Variants in ABHD17A observed in about 807,000 individuals in gnomAD.
The protein encoded by ABHD17A is abhydrolase domain containing 17A, depalmitoylase, also known as alpha/beta hydrolase domain-containing protein 17A.
A neutral mutation model predicts 26.8 loss-of-function variants in ABHD17A; 10 were observed. The ratio of observed to expected loss-of-function variants is 0.37; its 90% CI spans 0.23 to 0.63. ABHD17A has a LOEUF of 0.63. Among genes scored for constraint, ABHD17A ranks in the 30% least tolerant of loss-of-function variants. The pLI is 0.61. For missense variants in ABHD17A, 292 were observed against 457.3 expected, an observed-to-expected ratio of 0.64 and a Z score of 3.30; for synonymous variants, 167 against 210.9, an observed-to-expected ratio of 0.79 and a Z score of 1.80.
intron 1 of ABHD17A, chr19:1,883,419 A>T (rs1599211212): frequency 6.6e-6 from 1 of 152,358 alleles, no homozygotes; most frequent in Non-Finnish European, 1.5e-5. Context: ...ATTCTCAAAG[A>T]GGTCCAGGCC....
At chr19:1,881,907 C>T in intron 1 of ABHD17A, 103 bp from the exon 2 acceptor site, 1 of 275,798 alleles carries the variant, frequency 3.6e-6, no homozygotes, top group Non-Finnish European at 6.7e-6. Flanking sequence ...GCGGCATGGG[C>T]CCGGGGCCTG....
chr19:1,880,266 G>T lies in ABHD17A; in HGVS notation c.333-151C>A. 1.3e-6 allele frequency: 1 copy of T among 787,592 alleles called. No individual in the cohort carries two copies. The highest frequency in any genetic ancestry group is 2.1e-6 in the Non-Finnish European group (1 of 486,290). The allele number at this position is 787,592 out of a possible 1,614,324, so 48.8% of individuals were successfully genotyped here. ...CAAGGGGGCCAGAAGCCAGTGAATG[G>T]AGAGGGGAGGCTACGACAGCACAGC... On this transcript the variant is annotated intron_variant, in intron 2 of 4. Transcript: ENST00000292577. This position sits in a 1 kb window ranked among gnomAD's most constrained non-coding sequence, Gnocchi z 4.1.
Position 1,877,540 on chromosome 19 carries a change from G to A in ABHD17A, c.675C>T (p.Thr225=). 1 of 1,595,470 alleles carries A rather than the reference G, an allele frequency of 6.3e-7. No homozygotes were observed. Among genetic ancestry groups the A allele is most frequent in the Non-Finnish European group, 8.5e-7 (1 of 1,178,918 alleles). ...TSGMRVAFPD[T]KKTYCFDAFP... The stretch of plus-strand genomic sequence containing the variant: ...AGGCGTCGAAGCAGTAGGTCTTCTT[G>A]GTGTCGGGGAAGGCGACGCGCATGC... The change falls in exon 4 of 5, where the codon ACC becomes ACT. Residue 225 remains threonine, a synonymous_variant. Coordinates refer to ENST00000292577, the MANE Select transcript of ABHD17A (RefSeq NM_001130111.2).
intron 1 of ABHD17A, among the ~76,000 whole-genome samples, chr19:1,884,003 T>A (rs918633245): frequency 6.6e-6 from 1 of 152,142 alleles, no homozygotes; most frequent in African/African-American, 2.4e-5. Flanking sequence ...TCTGCTCCTC[T>A]GCCAGGAACT....
In ABHD17A at chr19:1,881,350, G is replaced by T. The variant is rs769790054; in HGVS notation, c.217C>A (p.Arg73Ser). Residue 73 changes from arginine to serine, a missense_variant, in exon 2 of 5, where the codon CGT becomes AGT. Physicochemically the swap from Arg to Ser is moderately radical, Grantham distance 110 (BLOSUM62 -1). This residue lies in a region of ABHD17A where 171 missense variants were observed against 216.1 expected (regional missense o/e 0.79). Transcript: ENST00000292577. ...PGRWKLHLTE[R>S]ADFQYSQREL... is the part of the protein sequence containing the mutation. ...CGCTGGCTGTACTGGAAGTCGGCACGCTCCGTCAGGTGCAGCTTCCAGCGC... is the reference window on the plus strand; with the variant it reads ...CGCTGGCTGTACTGGAAGTCGGCACTCTCCGTCAGGTGCAGCTTCCAGCGC... 1 of 1,609,450 alleles carries T rather than the reference G, an allele frequency of 6.2e-7. No homozygotes were observed. Among genetic ancestry groups the T allele is most frequent in the East Asian group, 2.2e-5 (1 of 44,860 alleles).
chr19:1,877,547 G>T lies in ABHD17A; in HGVS notation c.668C>A (p.Pro223His). ...GAAGCAGTAGGTCTTCTTGGTGTCG[G>T]GGAAGGCGACGCGCATGCCCGAGGT... ...PLTSGMRVAF[P>H]DTKKTYCFDA... Residue 223 changes from proline to histidine, a missense_variant, in exon 4 of 5, where the codon CCC (proline) becomes CAC (histidine). Around this residue, in one of 4 missense-constraint regions of ABHD17A, gnomAD observed 88 missense variants for 134.3 expected, o/e 0.66. Coordinates refer to ENST00000292577, the MANE Select transcript of ABHD17A (RefSeq NM_001130111.2). 6.3e-7 allele frequency: 1 copy of T among 1,588,862 alleles called. No homozygotes were observed. Among genetic ancestry groups the T allele is most frequent in the Non-Finnish European group, 8.5e-7 (1 of 1,176,506 alleles).
chr19:1,877,855 C>A (rs2145387116), intron 3 of ABHD17A, 168 bp from the exon 4 acceptor site: 1 of 627,462 alleles, frequency 1.6e-6, no homozygotes, highest in Non-Finnish European at 2.7e-6. Context: ...CACCCCCAGC[C>A]CCCAACACCG....
rs1411951148 is a variant in ABHD17A, at chr19:1,880,049, G to A, written c.399C>T (p.Gly133=). Residue 133 remains glycine (G), a synonymous_variant, in exon 3 of 5, where the codon GGC becomes GGT. Transcript: ENST00000292577. This position sits in a 1 kb window ranked among gnomAD's most constrained non-coding sequence, Gnocchi z 4.1. ...DLGQMSSFYI[G]LGSRLHCNIF... ...TGTTGCAGTGGAGGCGGGAGCCCAG[G>A]CCAATGTAGAAGCTGCTCATCTGGC... 5 of 1,613,174 alleles carry A rather than the reference G, an allele frequency of 3.1e-6. No homozygotes were observed. Among genetic ancestry groups the A allele is most frequent in the South Asian group, 1.1e-5 (1 of 91,092 alleles).
At chr19:1,885,325 C>T (rs2012650858) in intron 1 of ABHD17A, 27 bp downstream of exon 1, 1 of 151,150 alleles carries the variant, frequency 6.6e-6, no homozygotes, top group Admixed American at 6.6e-5. Context: ...GCGGCCGCGC[C>T]CGCCCCCGCC....
rs773635698 is a variant in ABHD17A at position 1,881,519 on chromosome 19, C to T, written c.48G>A (p.Pro16=). 32 of 1,603,824 alleles carry T rather than the reference C, an allele frequency of 2.0e-5. No individual in the cohort carries two copies. The highest frequency in any genetic ancestry group is 4.4e-5 in the South Asian group (4 of 90,884). ...LSELCCLFCC[P]PCPGRIAAKL... Reference sequence around the variant, plus strand: ...TGGCAGCGATGCGGCCGGGGCAGGGCGGGCAGCAGAAGAGGCAGCAGAGCT... The same window carrying T: ...TGGCAGCGATGCGGCCGGGGCAGGGTGGGCAGCAGAAGAGGCAGCAGAGCT... The change falls in exon 2 of 5, where the codon CCG becomes CCA. Residue 16 remains proline, a synonymous_variant. Transcript: ENST00000292577.
In ABHD17A at chr19:1,876,931, C is replaced by T. The variant is rs1050365256; in HGVS notation, c.*269G>A. ...CCGGCCCCCTTTCGAGCTCGCTGAG[C>T]GCTCGAGAGAGTGAGCAGAGCCATG... On this transcript the variant is annotated 3_prime_UTR_variant, in exon 5 of 5. Transcript: ENST00000292577. The T allele has an allele frequency of 3.1e-5, 15 of 487,472 alleles. No homozygotes were observed. Among genetic ancestry groups the T allele is most frequent in the Non-Finnish European group, 5.2e-5 (14 of 270,744 alleles). The allele number at this position is 487,472 out of a possible 1,614,324, so 30.2% of individuals were successfully genotyped here. A position where few individuals can be genotyped will look rare whatever the true frequency, so the allele number is the denominator to read the frequency against.
At chr19:1,884,701 C>T (rs2012628421) in intron 1 of ABHD17A, among the ~76,000 whole-genome samples, 2 of 152,086 alleles carry the variant, frequency 1.3e-5, no homozygotes. Context: ...GGTGACAGAG[C>T]AGGCTCCTGG....
Position 1,880,222 on chromosome 19 carries a change from GCCT to G in ABHD17A, c.333-110_333-108del, listed in dbSNP as rs2012485518. On this transcript the variant is annotated intron_variant, in intron 2 of 4. Transcript: ENST00000292577. The surrounding 1 kb of genome is among the most constrained non-coding windows in gnomAD (Gnocchi z 4.1). Reference sequence around the variant, plus strand: ...ACCCCGGTGGCCAGCCATGCCCAGTGCCTCATTTACTCCCCTCCCAAGGGGGCC... The same window carrying G: ...ACCCCGGTGGCCAGCCATGCCCAGTGCATTTACTCCCCTCCCAAGGGGGCC... The G allele has an allele frequency of 8.2e-7, 1 of 1,222,020 alleles. No individual in the cohort carries two copies. The highest frequency in any genetic ancestry group is 1.2e-6 in the Non-Finnish European group (1 of 864,006). The allele number at this position is 1,222,020 out of a possible 1,614,324, so 75.7% of individuals were successfully genotyped here.
rs748432006 is a variant in ABHD17A at position 1,880,860 on chromosome 19, C to T, written c.332+375G>A. ...ACCTAGCCCAGCCAGAAGGTAAAGG[C>T]TCGCCCTCTGGACTCAGATCTGGTC... is the stretch of plus-strand genomic sequence containing the variant. On this transcript the variant is annotated intron_variant, in intron 2 of 4. Transcript: ENST00000292577. This position sits in a 1 kb window ranked among gnomAD's most constrained non-coding sequence, Gnocchi z 4.1. 31 of 1,611,764 alleles carry T rather than the reference C, an allele frequency of 1.9e-5. No homozygotes were observed. The highest frequency in any genetic ancestry group is 2.5e-5 in the Non-Finnish European group (29 of 1,179,220).
rs754918296 is a variant in ABHD17A, at chr19:1,880,998, C to T, written c.332+237G>A. The T allele has an allele frequency of 3.1e-6, 5 of 1,612,382 alleles. No homozygotes were observed. In the Middle Eastern group the frequency reaches 6.6e-4, roughly 213 times the overall value. On this transcript the variant is annotated intron_variant, in intron 2 of 4. Transcript: ENST00000292577. This position sits in a 1 kb window ranked among gnomAD's most constrained non-coding sequence, Gnocchi z 4.1. Reference sequence around the variant, plus strand: ...CGCTGGGTTGTTGGAGTCGCCCAGCCTGCCCACCCATGCCAGCTGGGGATG... The same window carrying T: ...CGCTGGGTTGTTGGAGTCGCCCAGCTTGCCCACCCATGCCAGCTGGGGATG...
In ABHD17A at chr19:1,877,309, T is replaced by G. The variant is rs1315051635; in HGVS notation, c.824A>C (p.Glu275Ala). The G allele has an allele frequency of 6.5e-7, 1 of 1,531,376 alleles. No individual in the cohort carries two copies. Among genetic ancestry groups the G allele is most frequent in the Non-Finnish European group, 8.7e-7 (1 of 1,144,074 alleles). 94.9% of individuals were successfully genotyped at this position (1,531,376 alleles called of 1,614,324 possible). ...CCCGGCGCCCTCCACCCACAGCGGCTCCACCGCCTTGGGGCAGCGCTCGTA... is the reference window on the plus strand; with the variant it reads ...CCCGGCGCCCTCCACCCACAGCGGCGCCACCGCCTTGGGGCAGCGCTCGTA... ...ALYERCPKAV[E>A]PLWVEGAGHN... The change falls in exon 5 of 5, where the codon GAG becomes GCG. Residue 275 changes from glutamate to alanine, a missense_variant. Coordinates refer to ENST00000292577, the MANE Select transcript of ABHD17A (RefSeq NM_001130111.2).
At chr19:1,878,400 CCCAGCTGAT>C (rs546703983) in intron 3 of ABHD17A, 1 of 152,596 alleles carries the variant, frequency 6.6e-6, no homozygotes, top group African/African-American at 2.4e-5. Flanking sequence ...CGGCCCCTGA[CCCAGCTGAT>C]CCAGCACCAG....
In ABHD17A at chr19:1,881,273, G is replaced by A. The variant is rs139187956; in HGVS notation, c.294C>T (p.Arg98=). ...VFPTKSARGN[R]VSCMYVRCVP... ...CGCAGCGAACATACATGCAGGAGAC[G>A]CGGTTGCCGCGGGCGCTCTTGGTGG... is the stretch of plus-strand genomic sequence containing the variant. The change falls in exon 2 of 5, where the codon CGC becomes CGT. Residue 98 remains arginine, a synonymous_variant. Coordinates refer to ENST00000292577, the MANE Select transcript of ABHD17A (RefSeq NM_001130111.2). 1,771 of 1,611,002 alleles carry A rather than the reference G, an allele frequency of 1.1e-3. 5 individuals are homozygous for A. The highest frequency in any genetic ancestry group is 9.8e-4 in the Non-Finnish European group (1,161 of 1,179,664).
Position 1,884,319 on chromosome 19 carries a change from GTCTCC to G in ABHD17A, c.-239+1028_-239+1032del, listed in dbSNP as rs2012616585. On this transcript the variant is annotated intron_variant, in intron 1 of 4. Transcript: ENST00000292577. The stretch of plus-strand genomic sequence containing the variant: ...GCTTTGACAGGGAAGGGAAAGTCTA[GTCTCC>G]TCTCCTCTCCAGCCACAGGTACCTG... Among the ~76,000 whole-genome samples the G allele has an allele frequency of 3.3e-5, 5 of 152,090 alleles. No individual in the cohort carries two copies. In the South Asian group the frequency reaches 1.0e-3, roughly 32 times the overall value.
Sources: allele counts gnomAD v4.1 joint callset (sites outside exome capture counted in the v4.1 genomes callset), GRCh38; gene constraint gnomAD v4.1.1; regional missense constraint gnomAD v4.1.1; non-coding constraint Gnocchi (gnomAD v3.1); transcripts MANE v1.5; gene names NCBI Gene and HGNC (gene_info 2026-07-23, HGNC 2026-07-21).